The following TBL1XR1 variants were observed in gnomAD, a reference collection of about 807,000 sequenced individuals.
TBL1XR1 encodes the protein TBL1X/Y related 1, also known as F-box-like/WD repeat-containing protein TBL1XR1.
TBL1XR1 carries 5 observed loss-of-function variants against 66.9 expected under a neutral mutation model. The ratio of observed to expected loss-of-function variants is 0.07; its 90% CI spans 0.04 to 0.16. The LOEUF (loss-of-function observed/expected upper bound fraction) is 0.16. TBL1XR1 is among the 10% of genes least tolerant of loss of function. The probability of loss-of-function intolerance (pLI) is 1.00; values close to 1 mark genes in which losing one functional copy is unlikely to be tolerated. For synonymous variants in TBL1XR1, 210 were observed against 206.0 expected (o/e 1.02, Z -0.17); for missense variants, 238 against 623.2 (o/e 0.38, Z 6.58).
chr3:177,172,668 G>A (rs1201313861), intron 1 of TBL1XR1, among the ~76,000 whole-genome samples: 14 of 91,356 alleles, frequency 1.5e-4, no homozygotes, highest in Non-Finnish European at 3.2e-4. Context: ...AGAGAGAAGG[G>A]AGGGGAGGGG....
At chr3:177,174,785 C>T (rs1006504336) in intron 1 of TBL1XR1, among the ~76,000 whole-genome samples, 3 of 152,154 alleles carry the variant, frequency 2.0e-5, no homozygotes, top group African/African-American at 7.2e-5. Context: ...AAGGCCCTTC[C>T]CTCCCAAATC....
At chr3:177,186,121 G>C (rs1277731168) in intron 1 of TBL1XR1, among the ~76,000 whole-genome samples, 2 of 152,194 alleles carry the variant, frequency 1.3e-5, no homozygotes, top group Admixed American at 1.3e-4. Context: ...CAAGGTCAAA[G>C]ATGTATTCCC....
At chr3:177,029,113 A>G (rs1050644017) in intron 14 of TBL1XR1, among the ~76,000 whole-genome samples, 1 of 151,666 alleles carries the variant, frequency 6.6e-6, no homozygotes, top group African/African-American at 2.4e-5. Flanking sequence ...AAATGTATTA[A>G]GCTATGAAAA....
At chr3:177,136,457 T>G (rs1221847760) in intron 1 of TBL1XR1, among the ~76,000 whole-genome samples, 2 of 152,114 alleles carry the variant, frequency 1.3e-5, no homozygotes, top group Non-Finnish European at 2.9e-5. Context: ...TTTCTGTACT[T>G]TTAGTAGAGA....
At chr3:177,194,864 G>A (rs1736631472) in intron 1 of TBL1XR1, among the ~76,000 whole-genome samples, 1 of 150,530 alleles carries the variant, frequency 6.6e-6, no homozygotes, top group Non-Finnish European at 1.5e-5. Context: ...CTTCTTTGAA[G>A]CAACCAATGC....
chr3:177,028,889 G>A (rs577284650), intron 14 of TBL1XR1, among the ~76,000 whole-genome samples: 1 of 152,268 alleles, frequency 6.6e-6, no homozygotes, highest in African/African-American at 2.4e-5. Flanking sequence ...TAAACAAACT[G>A]CATATACATG....
chr3:177,119,005 C>CTTGTACCT (rs1726656183), intron 1 of TBL1XR1, among the ~76,000 whole-genome samples: 1 of 152,086 alleles, frequency 6.6e-6, no homozygotes, highest in Non-Finnish European at 1.5e-5. Flanking sequence ...GAGTTTCACT[C>CTTGTACCT]TTGTACCCCA....
At chr3:177,091,372 A>G (rs1722828985) in intron 2 of TBL1XR1, among the ~76,000 whole-genome samples, 1 of 152,026 alleles carries the variant, frequency 6.6e-6, no homozygotes, top group South Asian at 2.1e-4. Flanking sequence ...TTAATACATT[A>G]TTTTCTATTA....
chr3:177,043,993 G>A (rs1022061549), intron 10 of TBL1XR1, among the ~76,000 whole-genome samples: 1 of 151,958 alleles, frequency 6.6e-6, no homozygotes, highest in African/African-American at 2.4e-5. Flanking sequence ...AACTATGTAG[G>A]TATTAGTCTG....
intron 1 of TBL1XR1, among the ~76,000 whole-genome samples, chr3:177,110,335 A>G (rs1725397266): frequency 6.6e-6 from 1 of 152,260 alleles, no homozygotes; most frequent in African/African-American, 2.4e-5. Flanking sequence ...TAATGACTTA[A>G]GCCCTTCTAC....
chr3:177,199,017 T>G (rs1737271822), upstream of TBL1XR1, among the ~76,000 whole-genome samples: 2 of 152,040 alleles, frequency 1.3e-5, no homozygotes, highest in South Asian at 4.2e-4. Context: ...AGCCCTTGCT[T>G]GGGGGAGCTG....
At chr3:177,040,154 A>G (rs775174342) in intron 10 of TBL1XR1, among the ~76,000 whole-genome samples, 5 of 152,138 alleles carry the variant, frequency 3.3e-5, no homozygotes, top group Non-Finnish European at 5.9e-5. Flanking sequence ...CTCATTTCTA[A>G]AAAATAAAAA....
chr3:177,161,554 G>A (rs750252225), intron 1 of TBL1XR1, among the ~76,000 whole-genome samples: 5 of 152,180 alleles, frequency 3.3e-5, no homozygotes, highest in South Asian at 4.2e-4. Context: ...AGGCTGAAGC[G>A]GGTGGATCAC....
At chr3:177,090,384 A>G (rs916558817) in intron 2 of TBL1XR1, among the ~76,000 whole-genome samples, 1 of 150,848 alleles carries the variant, frequency 6.6e-6, no homozygotes, top group Non-Finnish European at 1.5e-5. Flanking sequence ...ATAAAATGAA[A>G]CAAATTGGCC....
chr3:177,071,055 G>A (rs1477501599), intron 2 of TBL1XR1, among the ~76,000 whole-genome samples: 3 of 61,576 alleles, frequency 4.9e-5, no homozygotes, highest in African/African-American at 7.0e-5. Context: ...TTTTGAGACA[G>A]AGTTTTGCTC....
At chr3:177,062,539 G>A (rs1372254155) in intron 3 of TBL1XR1, among the ~76,000 whole-genome samples, 1 of 152,138 alleles carries the variant, frequency 6.6e-6, no homozygotes, top group Non-Finnish European at 1.5e-5. Flanking sequence ...AAGTCAAAAT[G>A]TCATCAGTTG....
At chr3:177,102,569 A>G (rs1560177450) in intron 1 of TBL1XR1, among the ~76,000 whole-genome samples, 1 of 152,246 alleles carries the variant, frequency 6.6e-6, no homozygotes, top group East Asian at 1.9e-4. Context: ...CTGACAATGT[A>G]TATTGAAACT....
intron 1 of TBL1XR1, among the ~76,000 whole-genome samples, chr3:177,142,148 T>C (rs1404390573): frequency 3.3e-5 from 5 of 152,038 alleles, no homozygotes; most frequent in East Asian, 1.9e-4. Context: ...AGAGACAAAA[T>C]TCAGGCTTAG....
In TBL1XR1 at chr3:177,050,610, T is replaced by A. The variant is rs1560117180; in HGVS notation, c.428A>T (p.Asn143Ile). ...CACTTCCATCATATCAGTATGATTA[T>A]CTGCATCGTGAAACACAAGTAAGCA... is the stretch of plus-strand genomic sequence containing the variant. ...GEENGAHTIA[N>I]NHTDMMEVDG... The change falls in exon 6 of 16, where the codon AAT (asparagine) becomes ATT (isoleucine). Residue 143 changes from asparagine to isoleucine, a missense_variant and splice_region_variant. Physicochemically the swap from Asn to Ile is moderately radical, Grantham distance 149 (BLOSUM62 -3). Transcript: ENST00000457928. The A allele has an allele frequency of 6.2e-7, 1 of 1,613,592 alleles. No homozygotes were observed. Among genetic ancestry groups the A allele is most frequent in the Non-Finnish European group, 8.5e-7 (1 of 1,179,682 alleles).
Sources: allele counts gnomAD v4.1 joint callset (sites outside exome capture counted in the v4.1 genomes callset), GRCh38; gene constraint gnomAD v4.1.1; transcripts MANE v1.5; gene names NCBI Gene and HGNC (gene_info 2026-07-23, HGNC 2026-07-21).